DLG1: variants seen among roughly 807,000 people sequenced by gnomAD.
DLG1 encodes discs large MAGUK scaffold protein 1.
In DLG1, 42 loss-of-function variants were observed where a neutral mutation model predicts 123.4. That is an observed-to-expected ratio of 0.34 (90% confidence interval 0.27 to 0.44). The LOEUF is 0.44. DLG1 is among the 20% of genes least tolerant of loss of function. The pLI is 1.00. For missense variants in DLG1, 942 were observed against 1,082.6 expected, an observed-to-expected ratio of 0.87 and a Z score of 1.82; for synonymous variants, 317 against 356.2, an observed-to-expected ratio of 0.89 and a Z score of 1.24.
At chr3:197,174,897 T>C (rs1251738887) in intron 5 of DLG1, among the ~76,000 whole-genome samples, 3 of 152,228 alleles carry the variant, frequency 2.0e-5, no homozygotes, top group African/African-American at 7.2e-5. Flanking sequence ...TTCCACTCTG[T>C]CACAGCTGTA....
At chr3:197,297,612 G>A (rs1778123722) in intron 1 of DLG1, 8 of 1,011,032 alleles carry the variant, frequency 7.9e-6, no homozygotes, top group Non-Finnish European at 8.3e-6. Context: ...GCCGCAGAGC[G>A]CTGAGAGGGG....
rs543833321 is a variant in DLG1, at chr3:197,091,128, T to C, written c.1547-102A>G. 23 of 720,794 alleles carry C rather than the reference T, an allele frequency of 3.2e-5. No individual in the cohort carries two copies. In the African/African-American group the frequency reaches 3.9e-4, roughly 12 times the overall value. 44.6% of individuals were successfully genotyped at this position (720,794 alleles called of 1,614,324 possible). A position where few individuals can be genotyped will look rare whatever the true frequency, so the allele number is the denominator to read the frequency against. ...AAACTGTCCTATAATTGATTAAATGTGGTTAGAACCTTAAAATAGTAATAT... is the reference window on the plus strand; with the variant it reads ...AAACTGTCCTATAATTGATTAAATGCGGTTAGAACCTTAAAATAGTAATAT... On this transcript the variant is annotated intron_variant, in intron 14 of 24. Transcript: ENST00000667157.
At chr3:197,142,410 AATGTACTCTAGTAATAGAAGATGTT>A (rs1159689391) in intron 7 of DLG1, among the ~76,000 whole-genome samples, 3 of 152,160 alleles carry the variant, frequency 2.0e-5, no homozygotes, top group Non-Finnish European at 4.4e-5. Flanking sequence ...AGTTGAAATA[AATGTACTCTAGTAATAGAAGATGTT>A]AACAATAGAG....
At chr3:197,293,210 G>A (rs901639825) in intron 3 of DLG1, among the ~76,000 whole-genome samples, 1 of 152,176 alleles carries the variant, frequency 6.6e-6, no homozygotes, top group African/African-American at 2.4e-5. Flanking sequence ...TGTTTTGGGA[G>A]TAAATTTTAA....
chr3:197,066,011 G>A lies in DLG1; in HGVS notation c.2099-202C>T, dbSNP rs1739291695. Among the ~76,000 whole-genome samples, 2 of 152,088 alleles carry A rather than the reference G, an allele frequency of 1.3e-5. 1 individual carries two copies. The highest frequency in any genetic ancestry group is 4.1e-4 in the South Asian group (2 of 4,824). ...GATCTTAAACTTTACTTAGTCTTCT[G>A]CTAGAAGTCATATTGATAATTCAAT... On this transcript the variant is annotated intron_variant, in intron 20 of 24. Coordinates refer to ENST00000667157, the MANE Select transcript of DLG1 (RefSeq NM_001366207.1).
chr3:197,188,631 AAAT>A (rs757110562), intron 5 of DLG1, among the ~76,000 whole-genome samples: 36 of 152,194 alleles, frequency 2.4e-4, no homozygotes, highest in Admixed American at 1.2e-3. Context: ...TCAAATTATA[AAAT>A]AATAATTCAT....
intron 22 of DLG1, among the ~76,000 whole-genome samples, chr3:197,060,978 G>GT (rs557483820): frequency 3.2e-4 from 48 of 152,178 alleles, no homozygotes; most frequent in African/African-American, 1.1e-3. Context: ...TGATTTTTGT[G>GT]TTTTTTGTAC....
intron 4 of DLG1, among the ~76,000 whole-genome samples, chr3:197,256,292 C>T (rs1756854264): frequency 6.6e-6 from 1 of 152,270 alleles, no homozygotes; most frequent in Non-Finnish European, 1.5e-5. Context: ...GCCACTGTAG[C>T]ACTAAAGCAG....
chr3:197,170,412 C>T (rs944151665), intron 5 of DLG1, among the ~76,000 whole-genome samples: 4 of 152,048 alleles, frequency 2.6e-5, no homozygotes, highest in African/African-American at 9.7e-5. Context: ...CACAAACTTG[C>T]CAGCATCTCT....
At chr3:197,046,930 C>A (rs1723676490) in intron 24 of DLG1, among the ~76,000 whole-genome samples, 1 of 144,376 alleles carries the variant, frequency 6.9e-6, no homozygotes, top group Admixed American at 7.1e-5. Flanking sequence ...CAAAAAACAA[C>A]AAAAAATCCC....
At chr3:197,123,151 C>A (rs1036378308) in intron 11 of DLG1, among the ~76,000 whole-genome samples, 4 of 152,024 alleles carry the variant, frequency 2.6e-5, no homozygotes, top group Admixed American at 6.6e-5. Flanking sequence ...AAAATTAGAT[C>A]AAAATGGATC....
intron 4 of DLG1, among the ~76,000 whole-genome samples, chr3:197,280,685 C>A (rs1005486811): frequency 6.6e-6 from 1 of 151,944 alleles, no homozygotes; most frequent in African/African-American, 2.4e-5. Flanking sequence ...TATAAGAATT[C>A]GAGGCTTTAT....
intron 4 of DLG1, among the ~76,000 whole-genome samples, chr3:197,248,569 C>T (rs1231258961): frequency 6.6e-6 from 1 of 152,186 alleles, no homozygotes; most frequent in African/African-American, 2.4e-5. Flanking sequence ...GCATCAGTTA[C>T]AATCACAAGA....
rs74924456 is a variant in DLG1 at position 197,168,481 on chromosome 3, C to T, written c.484-18685G>A. Among the ~76,000 whole-genome samples, 174 of 152,312 alleles carry T rather than the reference C, an allele frequency of 1.1e-3. 4 individuals carry two copies. The East Asian group carries it at 0.029, about 26-fold the overall frequency. ...ATGAGGAACAGCAAAGATATCAGAT[C>T]TGATCACAGGATGCTTTGGGCAAAG... On this transcript the variant is annotated intron_variant, in intron 5 of 24. Transcript: ENST00000667157.
At chr3:197,061,961 C>T (rs1736128810) in intron 22 of DLG1, among the ~76,000 whole-genome samples, 4 of 152,116 alleles carry the variant, frequency 2.6e-5, no homozygotes, top group Admixed American at 2.6e-4. Context: ...TTAGAATACA[C>T]TGATGGTTTC....
At chr3:197,294,393 T>C (rs1257678953) in intron 3 of DLG1, among the ~76,000 whole-genome samples, 2 of 101,898 alleles carry the variant, frequency 2.0e-5, no homozygotes, top group Non-Finnish European at 4.6e-5. Flanking sequence ...ACGCCTGTAA[T>C]CCCAACATTT....
At chr3:197,090,510 C>T (rs915829487) in intron 15 of DLG1, among the ~76,000 whole-genome samples, 1 of 151,938 alleles carries the variant, frequency 6.6e-6, no homozygotes, top group African/African-American at 2.4e-5. Context: ...ACATATGCCT[C>T]CTTTGCTACT....
At chr3:197,139,792 CAT>C (rs10539713) in intron 8 of DLG1, among the ~76,000 whole-genome samples, 35,722 of 151,752 alleles carry the variant, frequency 0.24, 5,364 homozygotes, top group East Asian at 0.71. Flanking sequence ...AGTTTATACA[CAT>C]GTTTCCCAGC....
In DLG1 at chr3:197,085,921, T is replaced by G. The variant is rs1008309212; in HGVS notation, c.1662-165A>C. Among the ~76,000 whole-genome samples, 4 of 150,496 alleles carry G rather than the reference T, an allele frequency of 2.7e-5. No individual in the cohort carries two copies. In the Admixed American group the frequency reaches 2.7e-4, roughly 10 times the overall value. The stretch of plus-strand genomic sequence containing the variant: ...CATACAAGATAAGACAAAAAAGAAA[T>G]AGCAAAATCAACTTGCTATGAAAAT... On this transcript the variant is annotated intron_variant, in intron 15 of 24. Transcript: ENST00000667157.
Sources: gnomAD v4.1 joint callset for allele counts (sites outside exome capture counted in the v4.1 genomes callset) on GRCh38, gnomAD v4.1.1 for gene constraint, MANE v1.5 for transcripts, NCBI Gene and HGNC (gene_info 2026-07-23, HGNC 2026-07-21) for gene names.